Variants in VPS13B observed in about 807,000 individuals in gnomAD.
VPS13B encodes vacuolar protein sorting 13 homolog B.
A neutral mutation model predicts 426.4 loss-of-function variants in VPS13B; 285 were observed. The observed-to-expected ratio is 0.67, with a 90% CI of 0.61 to 0.74. The LOEUF is 0.74. Ranked by LOEUF, VPS13B falls within the 30% of genes least tolerant of loss-of-function variation. VPS13B has a pLI of 0.00. For synonymous variants in VPS13B, 1,676 were observed against 1,676.4 expected, an observed-to-expected ratio of 1.00 and a Z score of 0.01; for missense variants, 4,537 against 4,782.6, an observed-to-expected ratio of 0.95 and a Z score of 1.51.
At chr8:99,338,809 T>G (rs72672373) in intron 19 of VPS13B, among the ~76,000 whole-genome samples, 15 of 152,290 alleles carry the variant, frequency 9.8e-5, no homozygotes, top group Non-Finnish European at 2.1e-4. Flanking sequence ...TGATAAAATT[T>G]TAGTATCTTT....
chr8:99,189,166 G>T (rs1256174741), intron 16 of VPS13B, among the ~76,000 whole-genome samples: 1 of 152,004 alleles, frequency 6.6e-6, no homozygotes, highest in Non-Finnish European at 1.5e-5. Context: ...AGCCAGGATG[G>T]TCTCGATCTC....
intron 16 of VPS13B, among the ~76,000 whole-genome samples, chr8:99,173,114 A>G (rs1812444465): frequency 6.6e-6 from 1 of 152,120 alleles, no homozygotes; most frequent in Non-Finnish European, 1.5e-5. Context: ...CCCATTTTTT[A>G]CTTAGCACAG....
intron 17 of VPS13B, among the ~76,000 whole-genome samples, chr8:99,203,804 G>A (rs1814506720): frequency 6.6e-6 from 1 of 152,120 alleles, no homozygotes; most frequent in African/African-American, 2.4e-5. Flanking sequence ...ACTTACAAGG[G>A]ATGTGAAGGA....
intron 17 of VPS13B, among the ~76,000 whole-genome samples, chr8:99,242,560 A>C (rs1356682953): frequency 6.6e-6 from 1 of 152,178 alleles, no homozygotes; most frequent in East Asian, 1.9e-4. Flanking sequence ...CTTATTAGAA[A>C]ATTTTAATGG....
chr8:99,755,337 A>G (rs1810587999), intron 39 of VPS13B, among the ~76,000 whole-genome samples: 2 of 152,202 alleles, frequency 1.3e-5, no homozygotes. Context: ...ACACTAACCA[A>G]GTGGAGACTT....
Position 99,081,730 on chromosome 8 carries a change from C to T in VPS13B, c.292-14582C>T, listed in dbSNP as rs564433656. On this transcript the variant is annotated intron_variant, in intron 3 of 61. Transcript: ENST00000357162. ...TGCAGTGTTTGGTTTTTTGTCCTTG[C>T]GATAGTTTGCTGAGTATGATGGTTT... Among the ~76,000 whole-genome samples, 194 of 151,778 alleles carry T rather than the reference C, an allele frequency of 1.3e-3. 1 individual carries two copies. The highest frequency in any genetic ancestry group is 1.9e-3 in the Non-Finnish European group (126 of 67,928).
chr8:99,824,365 AG>A (rs763674306), intron 51 of VPS13B, among the ~76,000 whole-genome samples: 106 of 152,212 alleles, frequency 7.0e-4, no homozygotes, highest in Non-Finnish European at 7.1e-4. Context: ...GGAGCCATGC[AG>A]GCAAAAGGCT....
chr8:99,875,679 G>GTGT lies in VPS13B; in HGVS notation c.*15_*17dup, dbSNP rs1817666850. ...AGGGTTTCCTTGAGTCCCCTCTGAG[G>GTGT]TGTTTATTCCTGCTTGTGTGATTTA... On this transcript the variant is annotated 3_prime_UTR_variant, in exon 62 of 62. Transcript: ENST00000357162. The GTGT allele has an allele frequency of 1.2e-6, 2 of 1,613,792 alleles. No homozygotes were observed. The highest frequency in any genetic ancestry group is 1.7e-6 in the Non-Finnish European group (2 of 1,180,010).
chr8:99,685,747 C>A (rs548240270), intron 35 of VPS13B, among the ~76,000 whole-genome samples: 1 of 152,174 alleles, frequency 6.6e-6, no homozygotes, highest in African/African-American at 2.4e-5. Flanking sequence ...TGAATTCCTT[C>A]TCTGCATTGT....
chr8:99,620,909 C>G (rs1039791824), intron 33 of VPS13B, among the ~76,000 whole-genome samples: 2 of 147,914 alleles, frequency 1.4e-5, no homozygotes, highest in African/African-American at 5.0e-5. Context: ...TCGCTTGAAC[C>G]TGGGAGGCGG....
At chr8:99,558,025 A>G (rs547156002) in intron 31 of VPS13B, among the ~76,000 whole-genome samples, 4 of 152,226 alleles carry the variant, frequency 2.6e-5, no homozygotes, top group African/African-American at 9.6e-5. Context: ...TCTTCTGAAG[A>G]CTTCATTGTA....
chr8:99,610,500 C>T (rs534649535), intron 33 of VPS13B, among the ~76,000 whole-genome samples: 2 of 151,958 alleles, frequency 1.3e-5, no homozygotes, highest in South Asian at 4.2e-4. Context: ...GAAAACCAGA[C>T]ACTGCATGTT....
At chr8:99,089,991 A>G (rs1846053317) in intron 3 of VPS13B, among the ~76,000 whole-genome samples, 3 of 152,128 alleles carry the variant, frequency 2.0e-5, no homozygotes, top group African/African-American at 7.2e-5. Flanking sequence ...TAATGTTAAT[A>G]CTGGTCAGTT....
intron 4 of VPS13B, among the ~76,000 whole-genome samples, chr8:99,101,096 A>G (rs1846714378): frequency 1.3e-5 from 2 of 152,062 alleles, no homozygotes; most frequent in Admixed American, 1.3e-4. Flanking sequence ...TAGGGAAACC[A>G]ATATTAGTCA....
At chr8:99,326,452 C>CTTTTTTGTTTTTTTTTTT (rs1810270142) in intron 19 of VPS13B, among the ~76,000 whole-genome samples, 2 of 32,524 alleles carry the variant, frequency 6.1e-5, no homozygotes, top group South Asian at 2.5e-3. Context: ...CTCTAGGTAG[C>CTTTTTTGTTTTTTTTTTT]TTTTTTTTTT....
intron 2 of VPS13B, among the ~76,000 whole-genome samples, chr8:99,029,223 G>A (rs1211575073): frequency 2.7e-5 from 4 of 150,886 alleles, no homozygotes; most frequent in Admixed American, 1.3e-4. Context: ...ATGGGATGGC[G>A]GCGGGGAAGA....
intron 7 of VPS13B, among the ~76,000 whole-genome samples, chr8:99,116,623 A>G (rs1255985821): frequency 2.0e-5 from 3 of 150,698 alleles, no homozygotes; most frequent in Non-Finnish European, 4.4e-5. Flanking sequence ...TTGTAGAGAC[A>G]GGGTTTTGCT....
At chr8:99,677,444 A>G (rs1830985063) in intron 35 of VPS13B, among the ~76,000 whole-genome samples, 1 of 152,248 alleles carries the variant, frequency 6.6e-6, no homozygotes. Context: ...ATTTATCAAA[A>G]TGAAACAGTA....
chr8:99,733,478 A>T (rs1833683538), intron 39 of VPS13B, among the ~76,000 whole-genome samples: 1 of 152,230 alleles, frequency 6.6e-6, no homozygotes, highest in African/African-American at 2.4e-5. Context: ...TGACTGTTGG[A>T]TGTAAAAAAA....
Sources: allele counts gnomAD v4.1 joint callset (sites outside exome capture counted in the v4.1 genomes callset), GRCh38; gene constraint gnomAD v4.1.1; transcripts MANE v1.5; gene names NCBI Gene and HGNC (gene_info 2026-07-23, HGNC 2026-07-21).